The following MAST4 variants were observed in gnomAD, a reference collection of about 807,000 sequenced individuals.
The protein encoded by MAST4 is microtubule associated serine/threonine kinase family member 4, also known as microtubule-associated serine/threonine-protein kinase 4.
MAST4 carries 89 observed loss-of-function variants against 162.7 expected under a neutral mutation model. The observed-to-expected ratio is 0.55, with a 90% CI of 0.46 to 0.65. The LOEUF is 0.65. Ranked by LOEUF, MAST4 falls within the 30% of genes least tolerant of loss-of-function variation. The probability of loss-of-function intolerance (pLI) is 0.00; values close to 1 mark genes in which losing one functional copy is unlikely to be tolerated. For synonymous variants in MAST4, 1,479 were observed against 1,361.1 expected (o/e 1.09, Z -1.91); for missense variants, 3,153 against 3,374.0 (o/e 0.93, Z 1.62).
chr5:66,770,187 G>T (rs1467047791), intron 2 of MAST4, among the ~76,000 whole-genome samples: 1 of 152,188 alleles, frequency 6.6e-6, no homozygotes, highest in Non-Finnish European at 1.5e-5. Context: ...TTTAAGAAGC[G>T]TTAAAACCAT....
rs1447584527 is a variant in MAST4, at chr5:66,601,127, G to A, written c.363+4109G>A. 3.3e-5 allele frequency among the ~76,000 whole-genome samples: 5 copies of A among 152,204 alleles called. No homozygotes were observed. The South Asian group carries it at 1.0e-3, about 32-fold the overall frequency. On this transcript the variant is annotated intron_variant, in intron 1 of 28. Transcript: ENST00000403625. ...CTAATGCAGTAGATGAGTTTCTGGTGTTTGTTGGTTAAGACATTAATAGCA... is the reference window on the plus strand; with the variant it reads ...CTAATGCAGTAGATGAGTTTCTGGTATTTGTTGGTTAAGACATTAATAGCA...
intron 1 of MAST4, among the ~76,000 whole-genome samples, chr5:66,698,091 C>T (rs1749524550): frequency 6.6e-6 from 1 of 151,950 alleles, no homozygotes; most frequent in Admixed American, 6.6e-5. Context: ...CATCTCGTGG[C>T]CTGGCTTCCC....
intron 1 of MAST4, among the ~76,000 whole-genome samples, chr5:66,616,167 T>C (rs911446979): frequency 6.6e-6 from 1 of 152,112 alleles, no homozygotes; most frequent in African/African-American, 2.4e-5. Context: ...TGCCAGCCAC[T>C]CAGAGACTGA....
intron 3 of MAST4, among the ~76,000 whole-genome samples, chr5:66,838,176 G>A (rs1197294001): frequency 6.6e-6 from 1 of 151,848 alleles, no homozygotes; most frequent in African/African-American, 2.4e-5. Flanking sequence ...ACCACCTCCA[G>A]GGCATGATGA....
intron 4 of MAST4, among the ~76,000 whole-genome samples, chr5:66,961,079 A>G (rs1346399867): frequency 7.9e-5 from 12 of 152,224 alleles, no homozygotes; most frequent in Non-Finnish European, 1.5e-5. Context: ...TAGTATTAGT[A>G]TGTGATTTAC....
chr5:66,707,370 A>G (rs1750204202), intron 1 of MAST4, among the ~76,000 whole-genome samples: 1 of 152,222 alleles, frequency 6.6e-6, no homozygotes, highest in Admixed American at 6.5e-5. Flanking sequence ...GCTGCCGTTC[A>G]GAGAAGAGGT....
At chr5:66,787,843 T>C (rs1376894887) in intron 2 of MAST4, among the ~76,000 whole-genome samples, 3 of 152,228 alleles carry the variant, frequency 2.0e-5, no homozygotes, top group East Asian at 1.9e-4. Context: ...TCTGCTATTA[T>C]TGGGGCAAAG....
At chr5:67,126,730 CTT>C (rs916949036) in intron 14 of MAST4, among the ~76,000 whole-genome samples, 1 of 152,084 alleles carries the variant, frequency 6.6e-6, no homozygotes, top group Non-Finnish European at 1.5e-5. Context: ...TATGCAGGCT[CTT>C]TTTTGGTTCC....
intron 12 of MAST4, among the ~76,000 whole-genome samples, chr5:67,115,659 G>A (rs1766805764): frequency 6.6e-6 from 1 of 152,088 alleles, no homozygotes; most frequent in Admixed American, 6.5e-5. Flanking sequence ...TTCAGAAATG[G>A]TTTAAATCAG....
intron 3 of MAST4, among the ~76,000 whole-genome samples, chr5:66,879,943 CAGAT>C (rs1423739958): frequency 6.6e-6 from 1 of 152,200 alleles, no homozygotes; most frequent in South Asian, 2.1e-4. Context: ...GTAAAGCCAT[CAGAT>C]AGACCAGTGT....
At chr5:67,038,970 C>A (rs1756379817) in intron 4 of MAST4, among the ~76,000 whole-genome samples, 1 of 152,168 alleles carries the variant, frequency 6.6e-6, no homozygotes, top group South Asian at 2.1e-4. Flanking sequence ...AACACTGTTT[C>A]TTTTATGTAA....
chr5:67,125,081 T>TA lies in MAST4; in HGVS notation c.1745+3980dup, dbSNP rs138371189. Among the ~76,000 whole-genome samples, 1,010 of 152,238 alleles carry TA rather than the reference T, an allele frequency of 6.6e-3. 8 individuals are homozygous for TA. Among genetic ancestry groups the TA allele is most frequent in the Non-Finnish European group, 0.012 (798 of 68,008 alleles). On this transcript the variant is annotated intron_variant, in intron 14 of 28. Transcript: ENST00000403625. The stretch of plus-strand genomic sequence containing the variant: ...GTCCAAGGCTCCTCAGCACTAAACT[T>TA]ACTAAAAAACAACTATTGAAGGAAG...
chr5:66,826,447 T>C (rs546422832), intron 3 of MAST4, among the ~76,000 whole-genome samples: 3 of 152,288 alleles, frequency 2.0e-5, no homozygotes, highest in African/African-American at 7.2e-5. Flanking sequence ...AGCTGACATT[T>C]TGACAGTGTG....
intron 1 of MAST4, among the ~76,000 whole-genome samples, chr5:66,648,061 TGTGTGTGTGTGTGTGTGTGTGTGA>T (rs1745967151): frequency 1.5e-5 from 2 of 131,992 alleles, no homozygotes; most frequent in Admixed American, 1.7e-4. Flanking sequence ...TGTGTGTGTG[TGTGTGTGTGTGTGTGTGTGTGTGA>T]GAGAGAGAGA....
chr5:66,946,647 G>A (rs539683365), intron 4 of MAST4, among the ~76,000 whole-genome samples: 8 of 152,152 alleles, frequency 5.3e-5, no homozygotes, highest in South Asian at 4.2e-4. Flanking sequence ...AATGACAAGC[G>A]GTAATATATA....
intron 4 of MAST4, among the ~76,000 whole-genome samples, chr5:67,006,030 G>A (rs146877818): frequency 1.3e-5 from 2 of 152,156 alleles, no homozygotes; most frequent in African/African-American, 2.4e-5. Context: ...GTTCTTTTTG[G>A]TTATACCTGT....
chr5:67,121,685 A>AT (rs1481382834), intron 14 of MAST4, among the ~76,000 whole-genome samples: 1 of 151,702 alleles, frequency 6.6e-6, no homozygotes, highest in Non-Finnish European at 1.5e-5. Flanking sequence ...CTGAAAAAAA[A>AT]AAAAATCACA....
chr5:67,073,987 C>A (rs994414932), intron 5 of MAST4, among the ~76,000 whole-genome samples: 23 of 151,912 alleles, frequency 1.5e-4, no homozygotes, highest in African/African-American at 5.3e-4. Context: ...ATTTAAAATT[C>A]TGTAAGTTAA....
chr5:67,051,950 T>C (rs548731371), intron 4 of MAST4, among the ~76,000 whole-genome samples: 3 of 152,326 alleles, frequency 2.0e-5, no homozygotes, highest in South Asian at 4.1e-4. Context: ...AAGTCTGTTG[T>C]AATTTTAATA....
Sources: gnomAD v4.1 joint callset for allele counts (sites outside exome capture counted in the v4.1 genomes callset) on GRCh38, gnomAD v4.1.1 for gene constraint, MANE v1.5 for transcripts, NCBI Gene and HGNC (gene_info 2026-07-23, HGNC 2026-07-21) for gene names.